VPS29: variants seen among roughly 807,000 people sequenced by gnomAD.
VPS29 encodes vacuolar protein sorting-associated protein 29.
Under a neutral mutation model 20.0 loss-of-function variants are expected in VPS29, and 2 were observed. The ratio of observed to expected loss-of-function variants is 0.10; its 90% CI spans 0.04 to 0.31. The LOEUF (loss-of-function observed/expected upper bound fraction) is 0.31, where lower values mean the gene tolerates loss of function less well. Among genes scored for constraint, VPS29 ranks in the 10% least tolerant of loss-of-function variants. The pLI is 1.00. For synonymous variants in VPS29, 81 were observed against 79.3 expected (o/e 1.02, Z -0.12); for missense variants, 120 against 215.3 (o/e 0.56, Z 2.77).
chr12:110,501,332 C>T, intron 1 of VPS29: 1 of 1,516,324 alleles, frequency 6.6e-7, no homozygotes, highest in African/African-American at 1.4e-5. Flanking sequence ...GTCTCCAACA[C>T]CGGCACTCTC....
chr12:110,493,144 C>A lies in VPS29; in HGVS notation c.283G>T (p.Asp95Tyr). ...IHGHQVIPWGDMASLALLQRQ... is the reference protein window; with the variant it reads ...IHGHQVIPWGYMASLALLQRQ... ...TGCAACAGGGCTAAGCTGGCCATAT[C>A]TCCCCATGGAATAACTTGATGTCCA... Residue 95 changes from aspartate to tyrosine, a missense_variant, in exon 3 of 4, where the codon GAT becomes TAT. Asp to Tyr is a radical substitution (Grantham distance 160, BLOSUM62 -3). Transcript: ENST00000549578. 6.2e-7 allele frequency: 1 copy of A among 1,613,502 alleles called. No individual in the cohort carries two copies. Among genetic ancestry groups the A allele is most frequent in the Non-Finnish European group, 8.5e-7 (1 of 1,179,780 alleles).
intron 1 of VPS29, chr12:110,501,616 T>C (rs6606687): frequency 0.79 from 1,213,553 of 1,534,390 alleles, 482,752 homozygotes; most frequent in East Asian, 1. Context: ...TGTTCTGCAT[T>C]CGAGAGGCCA....
intron 2 of VPS29, 102 bp from the exon 3 acceptor site, chr12:110,493,333 G>T: frequency 2.5e-6 from 2 of 788,628 alleles, no homozygotes; most frequent in South Asian, 2.8e-5. Flanking sequence ...ATGTTTTGAT[G>T]TAGTACCCCA....
chr12:110,499,927 G>T (rs930751924), intron 1 of VPS29, among the ~76,000 whole-genome samples: 1 of 152,102 alleles, frequency 6.6e-6, no homozygotes, highest in African/African-American at 2.4e-5. Flanking sequence ...ATTTCTACAA[G>T]ACACTGTGGA....
chr12:110,491,194 C>T lies in VPS29; in HGVS notation c.*811G>A, dbSNP rs1019661594. 1 of 151,988 alleles carries T rather than the reference C, an allele frequency of 6.6e-6. No individual in the cohort carries two copies. The highest frequency in any genetic ancestry group is 1.5e-5 in the Non-Finnish European group (1 of 68,056). 9.4% of individuals were successfully genotyped at this position (151,988 alleles called of 1,614,324 possible). A position where few individuals can be genotyped will look rare whatever the true frequency, so the allele number is the denominator to read the frequency against. ...TCCAGGATTCAAGTGATTCTACTGC[C>T]TCAGCCTCCCGAGTAGCTGGGAATA... On this transcript the variant is annotated 3_prime_UTR_variant, in exon 4 of 4. Coordinates refer to ENST00000549578, the MANE Select transcript of VPS29 (RefSeq NM_016226.5).
At chr12:110,499,520 A>C in intron 1 of VPS29, 1 of 1,613,122 alleles carries the variant, frequency 6.2e-7, no homozygotes, top group Non-Finnish European at 8.5e-7. Context: ...GTAGGAGCTA[A>C]GTGAAGAAAC....
chr12:110,495,052 G>A lies in VPS29; in HGVS notation c.195+960C>T, dbSNP rs549761731. On this transcript the variant is annotated intron_variant, in intron 2 of 3. Transcript: ENST00000549578. The stretch of plus-strand genomic sequence containing the variant: ...CTTTACTTTTTTTCTTTAAAGTCAG[G>A]TTTATTGAGGCGTAATTTACACAAA... Among the ~76,000 whole-genome samples, 4 of 152,210 alleles carry A rather than the reference G, an allele frequency of 2.6e-5. No homozygotes were observed. In the South Asian group the frequency reaches 8.3e-4, roughly 32 times the overall value.
intron 1 of VPS29, 190 bp downstream of exon 1, chr12:110,501,859 C>T (rs760287728): frequency 9.3e-6 from 13 of 1,403,246 alleles, no homozygotes; most frequent in Non-Finnish European, 1.3e-5. Flanking sequence ...CCTAGGCCAG[C>T]CGCACCCAGA....
intron 2 of VPS29, 99 bp downstream of exon 2, chr12:110,495,913 A>C: frequency 8.4e-7 from 1 of 1,185,886 alleles, no homozygotes; most frequent in Non-Finnish European, 1.1e-6. Context: ...AAAAAAAAAA[A>C]AACCTTACCA....
At chr12:110,496,299 G>C (rs900374354) in intron 1 of VPS29, 96 bp from the exon 2 acceptor site, 1 of 1,098,316 alleles carries the variant, frequency 9.1e-7, no homozygotes, top group African/African-American at 1.6e-5. Context: ...TCTCATAAGA[G>C]ATCCCGAATC....
rs1461732843 is a variant in VPS29, at chr12:110,502,072, A to C, written c.-21T>G. 5.0e-6 allele frequency: 8 copies of C among 1,610,612 alleles called. No homozygotes were observed. The South Asian group carries it at 5.5e-5, about 11-fold the overall frequency. The stretch of plus-strand genomic sequence containing the variant: ...ACCATCCTGTCACCGGGCTCCGCTC[A>C]GTCACCACCACCGTCGCCGCCCTCT... On this transcript the variant is annotated 5_prime_UTR_variant, in exon 1 of 4. Transcript: ENST00000549578.
chr12:110,493,362 A>G (rs892787621), intron 2 of VPS29, 131 bp from the exon 3 acceptor site: 2 of 467,802 alleles, frequency 4.3e-6, no homozygotes, highest in Admixed American at 9.5e-5. Context: ...ACATTTATAC[A>G]TTTTTTTTTT....
chr12:110,496,250 C>CT (rs746658068), intron 1 of VPS29, 47 bp from the exon 2 acceptor site: 16 of 1,489,634 alleles, frequency 1.1e-5, no homozygotes, highest in Non-Finnish European at 1.5e-5. Context: ...AACACAATAT[C>CT]AAAACAAAAT....
chr12:110,492,621 T>C (rs2062836424), intron 3 of VPS29, among the ~76,000 whole-genome samples: 1 of 148,600 alleles, frequency 6.7e-6, no homozygotes, highest in Non-Finnish European at 1.5e-5. Flanking sequence ...ATTTATTTAT[T>C]TATTTATTTA....
At chr12:110,501,811 T>C in intron 1 of VPS29, 1 of 1,160,280 alleles carries the variant, frequency 8.6e-7, no homozygotes. Context: ...TTTTTACCCC[T>C]TGGATGGCCT....
intron 2 of VPS29, among the ~76,000 whole-genome samples, chr12:110,494,715 A>G (rs551408839): frequency 6.6e-6 from 1 of 151,698 alleles, no homozygotes; most frequent in African/African-American, 2.4e-5. Context: ...TGGGAACTCC[A>G]GAACTCCTTA....
intron 2 of VPS29, among the ~76,000 whole-genome samples, chr12:110,494,848 T>C (rs1051416726): frequency 3.3e-5 from 5 of 152,116 alleles, no homozygotes; most frequent in Admixed American, 3.3e-4. Context: ...GCCTCCCAAG[T>C]AGCTGGGACG....
intron 3 of VPS29, among the ~76,000 whole-genome samples, chr12:110,492,569 C>CA (rs768721440): frequency 1.2e-3 from 147 of 123,210 alleles, no homozygotes; most frequent in African/African-American, 2.5e-3. Context: ...GACTCTGTCT[C>CA]AAAAAAAAAA....
chr12:110,496,470 TA>T, intron 1 of VPS29: 1 of 278,226 alleles, frequency 3.6e-6, no homozygotes, highest in Non-Finnish European at 6.8e-6. Flanking sequence ...TACTTTGTTC[TA>T]AATCAATCTT....
Sources: allele counts gnomAD v4.1 joint callset (sites outside exome capture counted in the v4.1 genomes callset), GRCh38; gene constraint gnomAD v4.1.1; transcripts MANE v1.5; gene names NCBI Gene and HGNC (gene_info 2026-07-23, HGNC 2026-07-21).